The following CPA6 variants were observed in gnomAD, a reference collection of about 807,000 sequenced individuals.
The protein encoded by CPA6 is carboxypeptidase B.
A neutral mutation model predicts 63.3 loss-of-function variants in CPA6; 58 were observed. The ratio of observed to expected loss-of-function variants is 0.92; its 90% CI spans 0.74 to 1.14. The LOEUF is 1.14. Among genes scored for constraint, CPA6 ranks in the 50% most tolerant of loss-of-function variants. The pLI is 0.00. For synonymous variants in CPA6, 185 were observed against 179.0 expected, an observed-to-expected ratio of 1.03 and a Z score of -0.27; for missense variants, 565 against 526.6, an observed-to-expected ratio of 1.07 and a Z score of -0.71.
At chr8:67,740,236 C>T (rs529314080) in intron 1 of CPA6, among the ~76,000 whole-genome samples, 8 of 152,316 alleles carry the variant, frequency 5.3e-5, no homozygotes, top group African/African-American at 1.9e-4. Flanking sequence ...AAAAGGGGGA[C>T]TTTTGCCCAT....
chr8:67,660,662 A>G (rs184366487), intron 1 of CPA6, among the ~76,000 whole-genome samples: 4 of 151,994 alleles, frequency 2.6e-5, no homozygotes, highest in Admixed American at 2.6e-4. Context: ...GTTTTAACGA[A>G]TTGTAAGGGT....
intron 1 of CPA6, among the ~76,000 whole-genome samples, chr8:67,649,152 T>C (rs1815780808): frequency 6.6e-6 from 1 of 152,174 alleles, no homozygotes; most frequent in African/African-American, 2.4e-5. Context: ...AAAACCTTAA[T>C]ATTTCTAAAT....
intron 2 of CPA6, among the ~76,000 whole-genome samples, chr8:67,520,557 G>C (rs1477770909): frequency 6.6e-6 from 1 of 152,222 alleles, no homozygotes; most frequent in East Asian, 1.9e-4. Flanking sequence ...TTTCAGTCAG[G>C]GTGGTGGCAG....
intron 8 of CPA6, among the ~76,000 whole-genome samples, chr8:67,483,017 C>T (rs1811391666): frequency 6.6e-6 from 1 of 152,138 alleles, no homozygotes; most frequent in South Asian, 2.1e-4. Flanking sequence ...GACTAGGCCT[C>T]ATTTCTAAGG....
In CPA6 at chr8:67,523,390, G is replaced by A. The variant is rs1032958350; in HGVS notation, c.193-5343C>T. 9.2e-5 allele frequency among the ~76,000 whole-genome samples: 14 copies of A among 152,050 alleles called. No individual in the cohort carries two copies. The East Asian group carries it at 2.1e-3, about 23-fold the overall frequency. On this transcript the variant is annotated intron_variant, in intron 2 of 10. Transcript: ENST00000297770. ...AAAAATATAAAAAAATTAGCCAGGC[G>A]TGGTGGTGGTCACCTGTAGTCCCAG... is the stretch of plus-strand genomic sequence containing the variant.
chr8:67,615,034 A>T (rs1294433934), intron 2 of CPA6, among the ~76,000 whole-genome samples: 1 of 152,198 alleles, frequency 6.6e-6, no homozygotes, highest in Non-Finnish European at 1.5e-5. Flanking sequence ...GAATTCTTTT[A>T]GGTTATCGAT....
At chr8:67,601,450 TA>T (rs559144142) in intron 2 of CPA6, among the ~76,000 whole-genome samples, 3 of 152,280 alleles carry the variant, frequency 2.0e-5, no homozygotes, top group South Asian at 4.1e-4. Flanking sequence ...TGAAACAACC[TA>T]TCAGCTGGCT....
At chr8:67,487,634 C>T (rs1811510095) in intron 6 of CPA6, among the ~76,000 whole-genome samples, 1 of 152,222 alleles carries the variant, frequency 6.6e-6, no homozygotes, top group African/African-American at 2.4e-5. Context: ...GCCACATTGT[C>T]TTCCACAATC....
At chr8:67,513,659 A>G (rs1812086631) in intron 3 of CPA6, among the ~76,000 whole-genome samples, 1 of 152,148 alleles carries the variant, frequency 6.6e-6, no homozygotes, top group African/African-American at 2.4e-5. Flanking sequence ...CGCAGGCCCT[A>G]GGAGATCAAC....
intron 1 of CPA6, among the ~76,000 whole-genome samples, chr8:67,702,997 C>T (rs1817057383): frequency 6.6e-6 from 1 of 152,168 alleles, no homozygotes; most frequent in Non-Finnish European, 1.5e-5. Flanking sequence ...CTCACTCTGC[C>T]TTATGCCCCT....
intron 2 of CPA6, among the ~76,000 whole-genome samples, chr8:67,518,493 CT>C (rs1812194595): frequency 7.0e-6 from 1 of 143,838 alleles, no homozygotes; most frequent in East Asian, 2.0e-4. Context: ...TCTTTTTTTT[CT>C]TTTTCTTTTC....
chr8:67,472,368 ATTTATT>A (rs10579614), intron 8 of CPA6, among the ~76,000 whole-genome samples: 53,541 of 140,372 alleles, frequency 0.38, 9,660 homozygotes, highest in African/African-American at 0.49. Context: ...TTTGTAAAAG[ATTTATT>A]TTTTTATTTT....
At chr8:67,581,795 T>C (rs1813780186) in intron 2 of CPA6, among the ~76,000 whole-genome samples, 1 of 152,174 alleles carries the variant, frequency 6.6e-6, no homozygotes, top group Non-Finnish European at 1.5e-5. Flanking sequence ...TGTTTGGACA[T>C]GTGAAGTACA....
chr8:67,435,782 A>G (rs1385071742), intron 8 of CPA6, among the ~76,000 whole-genome samples: 1 of 152,010 alleles, frequency 6.6e-6, no homozygotes, highest in Non-Finnish European at 1.5e-5. Context: ...CACCTCACCA[A>G]CTTTGGTCCC....
At chr8:67,720,205 T>A (rs916923144) in intron 1 of CPA6, among the ~76,000 whole-genome samples, 2 of 133,464 alleles carry the variant, frequency 1.5e-5, no homozygotes, top group Non-Finnish European at 3.1e-5. Context: ...TGAGCCAGGA[T>A]GAGCCAGGAA....
intron 2 of CPA6, among the ~76,000 whole-genome samples, chr8:67,561,291 C>T (rs77628664): frequency 6.6e-6 from 1 of 152,176 alleles, no homozygotes; most frequent in East Asian, 1.9e-4. Context: ...AAAGTACCTC[C>T]CTATAAAGCA....
At chr8:67,744,034 G>T (rs1817961733) in intron 1 of CPA6, among the ~76,000 whole-genome samples, 1 of 152,184 alleles carries the variant, frequency 6.6e-6, no homozygotes, top group Non-Finnish European at 1.5e-5. Flanking sequence ...TTGTTCACCG[G>T]AAGGCTAAAC....
At chr8:67,723,452 C>T (rs1190010848) in intron 1 of CPA6, among the ~76,000 whole-genome samples, 7 of 152,270 alleles carry the variant, frequency 4.6e-5, no homozygotes, top group Non-Finnish European at 1.0e-4. Context: ...CAGGCGTGAG[C>T]CACCGTGCGT....
chr8:67,610,496 T>G (rs1814778539), intron 2 of CPA6, among the ~76,000 whole-genome samples: 1 of 152,226 alleles, frequency 6.6e-6, no homozygotes, highest in African/African-American at 2.4e-5. Context: ...TTGCTGTCAA[T>G]TATCTAAATA....
Sources: gnomAD v4.1 joint callset for allele counts (sites outside exome capture counted in the v4.1 genomes callset) on GRCh38, gnomAD v4.1.1 for gene constraint, MANE v1.5 for transcripts, NCBI Gene and HGNC (gene_info 2026-07-23, HGNC 2026-07-21) for gene names.